NOTCH1: variants seen among roughly 807,000 people sequenced by gnomAD.
NOTCH1 encodes notch receptor 1.
In NOTCH1, 37 loss-of-function variants were observed where a neutral mutation model predicts 254.8. The observed-to-expected ratio is 0.15, with a 90% CI of 0.11 to 0.19. The LOEUF (loss-of-function observed/expected upper bound fraction) is 0.19. Ranked by LOEUF, NOTCH1 falls within the 10% of genes least tolerant of loss-of-function variation. The pLI is 1.00. For synonymous variants in NOTCH1, 1,731 were observed against 1,618.1 expected, an observed-to-expected ratio of 1.07 and a Z score of -1.68; for missense variants, 2,972 against 3,708.6, an observed-to-expected ratio of 0.80 and a Z score of 5.16.
chr9:136,542,216 C>T (rs60638296), intron 2 of NOTCH1, among the ~76,000 whole-genome samples: 12,196 of 152,242 alleles, frequency 0.08, 1,087 homozygotes, highest in African/African-American at 0.22. Context: ...TCCCTGGTGC[C>T]ACTGAGAAGA....
chr9:136,511,818 T>TCGGGGCA (rs989507330), intron 15 of NOTCH1, among the ~76,000 whole-genome samples: 2 of 152,132 alleles, frequency 1.3e-5, no homozygotes, highest in African/African-American at 4.8e-5. Context: ...ATCCTGCGTG[T>TCGGGGCA]CGGGGCACGG....
Position 136,506,677 on chromosome 9 carries a change from C to T in NOTCH1, c.3902-38G>A, listed in dbSNP as rs374624253. ...GCAGGGCAGTGAGAGGCTCACCCTG[C>T]TGCCCCACACGCCCCACCCGCCTGG... On this transcript the variant is annotated intron_variant, in intron 23 of 33. Transcript: ENST00000651671. This position sits in a 1 kb window ranked among gnomAD's most constrained non-coding sequence, Gnocchi z 4.5. 2 of 1,596,794 alleles carry T rather than the reference C, an allele frequency of 1.3e-6. No homozygotes were observed. The highest frequency in any genetic ancestry group is 1.7e-4 in the Middle Eastern group (1 of 5,816).
At chr9:136,511,950 G>A (rs1031472620) in intron 15 of NOTCH1, among the ~76,000 whole-genome samples, 11 of 152,240 alleles carry the variant, frequency 7.2e-5, no homozygotes, top group African/African-American at 1.9e-4. Context: ...GTTTATAGCC[G>A]TGGGGACTGC....
chr9:136,504,732 G>A lies in NOTCH1; in HGVS notation c.4959C>T (p.Leu1653=), dbSNP rs773609261. Reference sequence around the variant, plus strand: ...GCCGCCCACCCTCGCTGCCACCAGGGAGCAGCGAGGCCTTCACCTGGCCCA... The same window carrying A: ...GCCGCCCACCCTCGCTGCCACCAGGAAGCAGCGAGGCCTTCACCTGGCCCA... ...ALLGQVKASL[L]PGGSEGGRRR... Residue 1653 remains leucine (L), a synonymous_variant, in exon 26 of 34, where the codon CTC becomes CTT. Coordinates refer to ENST00000651671, the MANE Select transcript of NOTCH1 (RefSeq NM_017617.5). 6.5e-7 allele frequency: 1 copy of A among 1,543,870 alleles called. No homozygotes were observed. The highest frequency in any genetic ancestry group is 1.2e-5 in the South Asian group (1 of 83,836).
At chr9:136,535,991 G>T (rs200132956) in intron 2 of NOTCH1, among the ~76,000 whole-genome samples, 1 of 130,962 alleles carries the variant, frequency 7.6e-6, no homozygotes, top group African/African-American at 2.7e-5. Flanking sequence ...CATGGTGGGT[G>T]GGGGGGAGCA....
At position 136,496,960 on chromosome 9, in the gene NOTCH1, C is replaced by T. The variant is rs2094260136; in HGVS notation, c.6779G>A (p.Gly2260Glu). 6.2e-7 allele frequency: 1 copy of T among 1,610,812 alleles called. No individual in the cohort carries two copies. ...AGTCTCAAAGGCCAGCCGGCCGCCC[C>T]CACCCAGCGCCGCCATCTCGGGCTT... is the stretch of plus-strand genomic sequence containing the variant. Reference protein sequence around the residue: ...AAKPEMAALGGGGRLAFETGP... With the variant: ...AAKPEMAALGEGGRLAFETGP... The change falls in exon 34 of 34, where the codon GGG becomes GAG. Residue 2260 changes from glycine to glutamate, a missense_variant. Coordinates refer to ENST00000651671, the MANE Select transcript of NOTCH1 (RefSeq NM_017617.5).
intron 2 of NOTCH1, among the ~76,000 whole-genome samples, chr9:136,524,628 CTTTT>C (rs1463931762): frequency 4.2e-4 from 56 of 132,732 alleles, no homozygotes; most frequent in African/African-American, 1.5e-3. Context: ...GGAAGCCTTT[CTTTT>C]TCTTTTCTTT....
intron 10 of NOTCH1, 104 bp downstream of exon 10, chr9:136,515,877 A>G: frequency 8.6e-7 from 1 of 1,162,650 alleles, no homozygotes. Context: ...CGGCCTCTGG[A>G]CCAGGTGGCC....
At position 136,536,336 on chromosome 9, in the gene NOTCH1, A is replaced by C. The variant is rs111502235; in HGVS notation, c.140+7688T>G. On this transcript the variant is annotated intron_variant, in intron 2 of 33. Coordinates refer to ENST00000651671, the MANE Select transcript of NOTCH1 (RefSeq NM_017617.5). Reference sequence around the variant, plus strand: ...TTGGAGAGGACACCATCTGTGTCTCAGAGTGAGGGGCCAGGTTCCTAGCTC... The same window carrying C: ...TTGGAGAGGACACCATCTGTGTCTCCGAGTGAGGGGCCAGGTTCCTAGCTC... Among the ~76,000 whole-genome samples the C allele has an allele frequency of 5.6e-3, 852 of 152,310 alleles. 11 individuals are homozygous for C. The highest frequency in any genetic ancestry group is 0.02 in the African/African-American group (812 of 41,560).
At position 136,545,617 on chromosome 9, in the gene NOTCH1, T is replaced by C. The variant is rs1589084959; in HGVS notation, c.61+109A>G. The C allele has an allele frequency of 1.1e-6, 1 of 869,796 alleles. No homozygotes were observed. Among genetic ancestry groups the C allele is most frequent in the Non-Finnish European group, 1.6e-6 (1 of 613,228 alleles). 53.9% of individuals were successfully genotyped at this position (869,796 alleles called of 1,614,324 possible). A position where few individuals can be genotyped will look rare whatever the true frequency, so the allele number is the denominator to read the frequency against. ...CGGGCCGCCCGCTTTTCCCTCTCCATGCTGGCCTCCCCGCCGCCCGCTCCC... is the reference window on the plus strand; with the variant it reads ...CGGGCCGCCCGCTTTTCCCTCTCCACGCTGGCCTCCCCGCCGCCCGCTCCC... On this transcript the variant is annotated intron_variant, in intron 1 of 33. Transcript: ENST00000651671. The surrounding 1 kb of genome is among the most constrained non-coding windows in gnomAD (Gnocchi z 6.8).
Position 136,513,367 on chromosome 9 carries a change from ACT to A in NOTCH1, c.2353+23_2353+24del. ...CCCAGACTCGAGGGCGGCCCTCTGC[ACT>A]GAGAAACGCGCAGCCCACTCACCGC... On this transcript the variant is annotated intron_variant, in intron 14 of 33. Coordinates refer to ENST00000651671, the MANE Select transcript of NOTCH1 (RefSeq NM_017617.5). The surrounding 1 kb of genome is among the most constrained non-coding windows in gnomAD (Gnocchi z 4.7). 2 of 1,612,500 alleles carry A rather than the reference ACT, an allele frequency of 1.2e-6. No individual in the cohort carries two copies. Among genetic ancestry groups the A allele is most frequent in the Non-Finnish European group, 1.7e-6 (2 of 1,179,984 alleles).
Position 136,509,727 on chromosome 9 carries a change from G to A in NOTCH1, c.2969+6C>T, listed in dbSNP as rs368973940. 1.2e-5 allele frequency: 20 copies of A among 1,611,258 alleles called. No homozygotes were observed. The highest frequency in any genetic ancestry group is 6.6e-5 in the South Asian group (6 of 91,058). ...CCTTCCACGGCCTCACTCGAGCCCC[G>A]CACACCTCTCTGTGCAGTCAGGCGT... On this transcript the variant is annotated splice_donor_region_variant and intron_variant, in intron 18 of 33. Coordinates refer to ENST00000651671, the MANE Select transcript of NOTCH1 (RefSeq NM_017617.5).
chr9:136,499,403 G>C (rs549671291), intron 31 of NOTCH1, 144 bp from the exon 32 acceptor site: 31 of 1,241,996 alleles, frequency 2.5e-5, no homozygotes, highest in Non-Finnish European at 3.5e-5. Context: ...CGGGCAAGAC[G>C]AAACGCCATG....
Position 136,497,196 on chromosome 9 carries a change from C to A in NOTCH1, c.6543G>T (p.Lys2181Asn), listed in dbSNP as rs1842930773. ...GGCAGCCCTTGCCGTCCTGGGACTT[C>A]TTCCTCCGTGCCTTGAGGTCCTTGG... ...KEAKDLKARR[K>N]KSQDGKGCLL... Residue 2181 changes from lysine to asparagine, a missense_variant, in exon 34 of 34, where the codon AAG (lysine) becomes AAT (asparagine). This residue lies in a region of NOTCH1 where 529 missense variants were observed against 529.2 expected (regional missense o/e 1.00). Coordinates refer to ENST00000651671, the MANE Select transcript of NOTCH1 (RefSeq NM_017617.5). 4 of 1,612,726 alleles carry A rather than the reference C, an allele frequency of 2.5e-6. No homozygotes were observed. Among genetic ancestry groups the A allele is most frequent in the Non-Finnish European group, 3.4e-6 (4 of 1,179,980 alleles).
rs778759745 is a variant in NOTCH1, at chr9:136,496,920, G to A, written c.6819C>T (p.Leu2273=). The change falls in exon 34 of 34, where the codon CTC becomes CTT. Residue 2273 remains leucine, a synonymous_variant. Transcript: ENST00000651671. ...RLAFETGPPR[L]SHLPVASGTS... ...TGCCAGAGGCCACAGGCAGGTGGGA[G>A]AGACGAGGTGGGCCAGTCTCAAAGG... is the stretch of plus-strand genomic sequence containing the variant. The A allele has an allele frequency of 3.7e-6, 6 of 1,612,372 alleles. No individual in the cohort carries two copies. Among genetic ancestry groups the A allele is most frequent in the Non-Finnish European group, 5.1e-6 (6 of 1,179,880 alleles).
At chr9:136,507,256 G>C in intron 22 of NOTCH1, 49 bp downstream of exon 22, 1 of 1,612,320 alleles carries the variant, frequency 6.2e-7, no homozygotes. Flanking sequence ...CCCTGCCCCT[G>C]CCCTGGCCAT....
intron 5 of NOTCH1, 26 bp from the exon 6 acceptor site, chr9:136,518,850 C>T (rs1434881837): frequency 6.3e-7 from 1 of 1,598,344 alleles, no homozygotes; most frequent in Admixed American, 1.7e-5. Flanking sequence ...GCTGTCGGCC[C>T]CGGGCAGCTG....
In NOTCH1 at chr9:136,514,614, G is replaced by C. The variant is rs1359387399; in HGVS notation, c.2103C>G (p.Thr701=). 3 of 1,610,632 alleles carry C rather than the reference G, an allele frequency of 1.9e-6. No individual in the cohort carries two copies. The highest frequency in any genetic ancestry group is 2.5e-6 in the Non-Finnish European group (3 of 1,179,352). Residue 701 remains threonine (T), a synonymous_variant, in exon 13 of 34, where the codon ACC becomes ACG. Transcript: ENST00000651671. Reference sequence around the variant, plus strand: ...CGTGGTAGCCCTCGGGGCAGCGGCAGGTGAAGCCATTGATGCCGTCCTCGC... The same window carrying C: ...CGTGGTAGCCCTCGGGGCAGCGGCACGTGAAGCCATTGATGCCGTCCTCGC... ...GTCEDGINGF[T]CRCPEGYHDP... is the part of the protein sequence containing the mutation.
intron 17 of NOTCH1, among the ~76,000 whole-genome samples, chr9:136,510,193 A>G (rs960294282): frequency 8.5e-5 from 13 of 152,286 alleles, no homozygotes; most frequent in African/African-American, 3.1e-4. Flanking sequence ...CTCAAGCTCC[A>G]GGGCAGGGGG....
Sources: allele counts gnomAD v4.1 joint callset (sites outside exome capture counted in the v4.1 genomes callset), GRCh38; gene constraint gnomAD v4.1.1; regional missense constraint gnomAD v4.1.1; non-coding constraint Gnocchi (gnomAD v3.1); transcripts MANE v1.5; gene names NCBI Gene and HGNC (gene_info 2026-07-23, HGNC 2026-07-21).